The following LEF1 variants were observed in gnomAD, a reference collection of about 807,000 sequenced individuals.
LEF1 encodes the protein lymphoid enhancer binding factor 1, also known as lymphoid enhancer-binding factor 1.
Under a neutral mutation model 51.2 loss-of-function variants are expected in LEF1, and 14 were observed. That is an observed-to-expected ratio of 0.27 (90% CI 0.18 to 0.43). The LOEUF (loss-of-function observed/expected upper bound fraction) is 0.43, where lower values mean the gene tolerates loss of function less well. LEF1 is among the 20% of genes least tolerant of loss of function. LEF1 has a pLI of 1.00. For missense variants in LEF1, 386 were observed against 512.0 expected, an observed-to-expected ratio of 0.75 and a Z score of 2.37; for synonymous variants, 185 against 183.2, an observed-to-expected ratio of 1.01 and a Z score of -0.08.
chr4:108,056,740 A>G (rs1323151221), intron 11 of LEF1, among the ~76,000 whole-genome samples: 1 of 152,072 alleles, frequency 6.6e-6, no homozygotes, highest in South Asian at 2.1e-4. Flanking sequence ...ATTCCCAGAA[A>G]CGACACATAT....
At chr4:108,092,402 A>G (rs1307659213) in intron 3 of LEF1, among the ~76,000 whole-genome samples, 2 of 152,216 alleles carry the variant, frequency 1.3e-5, no homozygotes, top group African/African-American at 2.4e-5. Flanking sequence ...CATCTCCACT[A>G]TGTATATAAA....
At chr4:108,081,521 G>A (rs562800098) in intron 6 of LEF1, 65 bp downstream of exon 6, 23 of 1,310,590 alleles carry the variant, frequency 1.8e-5, no homozygotes, top group East Asian at 9.2e-5. Context: ...AAGCAGAGGC[G>A]CACAGGATGC....
intron 9 of LEF1, among the ~76,000 whole-genome samples, chr4:108,065,489 C>CA (rs1388603709): frequency 6.6e-6 from 1 of 152,144 alleles, no homozygotes; most frequent in South Asian, 2.1e-4. Context: ...GACTCCATCT[C>CA]AAAAAATAAT....
rs550443182 is a variant in LEF1 at position 108,149,626 on chromosome 4, T to C, written c.414+13942A>G. Among the ~76,000 whole-genome samples the C allele has an allele frequency of 2.0e-4, 30 of 150,428 alleles. 1 individual carries two copies. The South Asian group carries it at 6.1e-3, about 30-fold the overall frequency. ...ATATATGTACATATATATACATGTG[T>C]ATATATATGTACATATATGTACATG... On this transcript the variant is annotated intron_variant, in intron 3 of 11. Coordinates refer to ENST00000265165, the MANE Select transcript of LEF1 (RefSeq NM_016269.5).
At chr4:108,145,160 A>G (rs1179255394) in intron 3 of LEF1, among the ~76,000 whole-genome samples, 1 of 152,344 alleles carries the variant, frequency 6.6e-6, no homozygotes, top group South Asian at 2.1e-4. Flanking sequence ...TACCAGAAAT[A>G]TTTAACATAC....
intron 11 of LEF1, among the ~76,000 whole-genome samples, chr4:108,049,133 G>T (rs773955678): frequency 2.0e-5 from 3 of 152,190 alleles, no homozygotes; most frequent in Non-Finnish European, 4.4e-5. Context: ...GCAGTGTTTG[G>T]TGTTTTTGGT....
intron 11 of LEF1, among the ~76,000 whole-genome samples, chr4:108,063,239 T>C (rs1222978849): frequency 6.6e-6 from 1 of 152,172 alleles, no homozygotes; most frequent in Admixed American, 6.5e-5. Flanking sequence ...TGGGCTAAAA[T>C]GGTGCTCCTC....
intron 3 of LEF1, among the ~76,000 whole-genome samples, chr4:108,112,859 G>A (rs1262209385): frequency 1.3e-5 from 2 of 152,174 alleles, no homozygotes; most frequent in African/African-American, 2.4e-5. Context: ...AGAAAAGGCA[G>A]AGTCAAACCA....
intron 3 of LEF1, among the ~76,000 whole-genome samples, chr4:108,105,401 G>A (rs1263353703): frequency 6.6e-6 from 1 of 151,884 alleles, no homozygotes; most frequent in South Asian, 2.1e-4. Context: ...GGCTGGTCTC[G>A]AACTCCTGAC....
At chr4:108,069,088 T>C (rs927411317) in intron 9 of LEF1, among the ~76,000 whole-genome samples, 1 of 152,186 alleles carries the variant, frequency 6.6e-6, no homozygotes, top group Non-Finnish European at 1.5e-5. Context: ...AGGGGATTAA[T>C]GTCCTTATAA....
At chr4:108,063,724 C>A (rs146942674) in intron 10 of LEF1, 61 bp from the exon 11 acceptor site, 1 of 1,052,832 alleles carries the variant, frequency 9.5e-7, no homozygotes, top group Non-Finnish European at 1.4e-6. Flanking sequence ...ATTCCAAATA[C>A]GTAGTAGCTA....
At chr4:108,102,595 G>A (rs1485210401) in intron 3 of LEF1, among the ~76,000 whole-genome samples, 1 of 152,212 alleles carries the variant, frequency 6.6e-6, no homozygotes, top group African/African-American at 2.4e-5. Flanking sequence ...TAGACATAAA[G>A]TCAGTGCAAA....
chr4:108,053,109 G>A (rs1050431360), intron 11 of LEF1, among the ~76,000 whole-genome samples: 28 of 152,100 alleles, frequency 1.8e-4, no homozygotes, highest in African/African-American at 6.8e-4. Flanking sequence ...CCATCCCCAG[G>A]CAACAACCCC....
chr4:108,132,659 CTT>C (rs749911957), intron 3 of LEF1, among the ~76,000 whole-genome samples: 29 of 47,442 alleles, frequency 6.1e-4, no homozygotes, highest in East Asian at 1.6e-3. Context: ...GAAAATCTGC[CTT>C]TTTTTTTTTT....
chr4:108,132,199 T>G (rs1742940317), intron 3 of LEF1, among the ~76,000 whole-genome samples: 1 of 152,198 alleles, frequency 6.6e-6, no homozygotes, highest in Non-Finnish European at 1.5e-5. Context: ...CTCTCCCTTG[T>G]TAGTATTGTA....
At chr4:108,066,114 G>A (rs1167274702) in intron 9 of LEF1, among the ~76,000 whole-genome samples, 1 of 152,128 alleles carries the variant, frequency 6.6e-6, no homozygotes, top group Non-Finnish European at 1.5e-5. Context: ...CGTTGGCCAG[G>A]CTGGCCTTGA....
intron 3 of LEF1, among the ~76,000 whole-genome samples, chr4:108,121,126 G>C (rs1742156195): frequency 6.6e-6 from 1 of 152,176 alleles, no homozygotes; most frequent in South Asian, 2.1e-4. Flanking sequence ...TAAGGGCCTA[G>C]GTTTAACAAA....
At chr4:108,139,297 G>C (rs1743496146) in intron 3 of LEF1, among the ~76,000 whole-genome samples, 1 of 152,166 alleles carries the variant, frequency 6.6e-6, no homozygotes, top group Admixed American at 6.5e-5. Flanking sequence ...AGTTTACATA[G>C]TTTTCAAAAC....
chr4:108,068,008 T>A (rs1415792575), intron 9 of LEF1, among the ~76,000 whole-genome samples: 1 of 151,874 alleles, frequency 6.6e-6, no homozygotes, highest in African/African-American at 2.4e-5. Flanking sequence ...TGGCTCACGC[T>A]TATAATCCTA....
Sources: gnomAD v4.1 joint callset for allele counts (sites outside exome capture counted in the v4.1 genomes callset) on GRCh38, gnomAD v4.1.1 for gene constraint, MANE v1.5 for transcripts, NCBI Gene and HGNC (gene_info 2026-07-23, HGNC 2026-07-21) for gene names.